The following GLO1 variants were observed in gnomAD, a reference collection of about 807,000 sequenced individuals.
GLO1 encodes the protein glyoxalase I.
Under a neutral mutation model 26.0 loss-of-function variants are expected in GLO1, and 28 were observed. The observed-to-expected ratio is 1.08, with a 90% confidence interval of 0.80 to 1.48. The LOEUF (loss-of-function observed/expected upper bound fraction) is 1.48. Ranked by LOEUF, GLO1 falls within the 40% of genes most tolerant of loss-of-function variation. The pLI, the probability that GLO1 is intolerant of heterozygous loss-of-function variation, is 0.00. For missense variants in GLO1, 225 were observed against 224.8 expected (o/e 1.00, Z -0.01); for synonymous variants, 78 against 77.6 (o/e 1.00, Z -0.03).
intron 1 of GLO1, among the ~76,000 whole-genome samples, chr6:38,695,196 C>G (rs1761591026): frequency 6.6e-6 from 1 of 151,994 alleles, no homozygotes; most frequent in African/African-American, 2.4e-5. Flanking sequence ...CTCTGGGTCA[C>G]TGGAACTTTT....
chr6:38,695,385 G>A (rs1582781280), intron 1 of GLO1, among the ~76,000 whole-genome samples: 1 of 151,962 alleles, frequency 6.6e-6, no homozygotes, highest in Non-Finnish European at 1.5e-5. Context: ...CCATGTATAT[G>A]TATACACACA....
chr6:38,692,873 T>A (rs191638851), intron 1 of GLO1, among the ~76,000 whole-genome samples: 34 of 150,700 alleles, frequency 2.3e-4, no homozygotes, highest in Admixed American at 8.0e-4. Context: ...ATCCTAGATA[T>A]AAACCTCACT....
chr6:38,680,146 C>T (rs1465080231), intron 5 of GLO1, among the ~76,000 whole-genome samples: 2 of 152,198 alleles, frequency 1.3e-5, no homozygotes, highest in Non-Finnish European at 2.9e-5. Context: ...GGAAATTAAA[C>T]CTAGGCTTTT....
At chr6:38,684,568 A>G in intron 2 of GLO1, 54 bp from the exon 3 acceptor site, 1 of 1,193,884 alleles carries the variant, frequency 8.4e-7, no homozygotes, top group Non-Finnish European at 1.1e-6. Context: ...AGGCTAATTC[A>G]TACTATAATC....
chr6:38,677,387 T>A lies in GLO1; in HGVS notation c.467-4A>T, dbSNP rs1427990851. On this transcript the variant is annotated splice_region_variant and splice_polypyrimidine_tract_variant and intron_variant, in intron 5 of 5. Transcript: ENST00000373365. ...AATGCCAGGCCTTTCATTTTACCTG[T>A]AAAATGAAAATTTTCATTATTGAAA... The A allele has an allele frequency of 3.0e-6, 4 of 1,345,668 alleles. No individual in the cohort carries two copies. The highest frequency in any genetic ancestry group is 3.2e-6 in the Non-Finnish European group (3 of 942,746). 83.4% of individuals were successfully genotyped at this position (1,345,668 alleles called of 1,614,324 possible).
At chr6:38,700,066 T>C (rs561133165) in intron 1 of GLO1, among the ~76,000 whole-genome samples, 36 of 152,294 alleles carry the variant, frequency 2.4e-4, no homozygotes, top group South Asian at 1.2e-3. Flanking sequence ...AAGACTCAGG[T>C]GGGCATCACA....
Position 38,677,018 on chromosome 6 carries a change from A to C in GLO1, c.*277T>G, listed in dbSNP as rs1255134269. 1 of 300,004 alleles carries C rather than the reference A, an allele frequency of 3.3e-6. No individual in the cohort carries two copies. The highest frequency in any genetic ancestry group is 6.1e-6 in the Non-Finnish European group (1 of 165,152). The allele number at this position is 300,004 out of a possible 1,614,324, so 18.6% of individuals were successfully genotyped here. On this transcript the variant is annotated 3_prime_UTR_variant, in exon 6 of 6. Transcript: ENST00000373365. ...GAAGTAATATTTAGGTGGCAGAAGA[A>C]GGCAAATGCAGCCTCTGAAGGGAAC...
At chr6:38,693,685 C>CTCTCTCTCTATATATATATATA (rs869232489) in intron 1 of GLO1, among the ~76,000 whole-genome samples, 13 of 86,420 alleles carry the variant, frequency 1.5e-4, no homozygotes, top group Admixed American at 3.4e-4. Context: ...CTCTCTCTCT[C>CTCTCTCTCTATATATATATATA]TATATATATA....
rs1761467667 is a variant in GLO1 at position 38,686,911 on chromosome 6, T to C, written c.148A>G (p.Thr50Ala). The C allele has an allele frequency of 1.3e-6, 2 of 1,584,868 alleles. No homozygotes were observed. The highest frequency in any genetic ancestry group is 2.2e-5 in the East Asian group (1 of 44,716). Reference sequence around the variant, plus strand: ...ACTTACGTCATTCCAAGAACTCTAGTATAAAAATCCAGTGACTTCTTAGGA... The same window carrying C: ...ACTTACGTCATTCCAAGAACTCTAGCATAAAAATCCAGTGACTTCTTAGGA... ...KDPKKSLDFY[T>A]RVLGMTLIQK... The change falls in exon 2 of 6, where the codon ACT becomes GCT. Residue 50 changes from threonine (T) to alanine (A), a missense_variant. By Grantham distance (58) the Thr-to-Ala change is moderately conservative. Transcript: ENST00000373365.
Position 38,684,418 on chromosome 6 carries a change from T to A in GLO1, c.264A>T (p.Lys88Asn), listed in dbSNP as rs758350957. Residue 88 changes from lysine to asparagine, a missense_variant, in exon 3 of 6, where the codon AAA (lysine) becomes AAT (asparagine). Lys to Asn is a moderately conservative substitution (Grantham distance 94, BLOSUM62 0). Transcript: ENST00000373365. ...CTTTTCTGGAGAGCGCCCAGGCTAT[T>A]TTTTCATCTTTTTCTTTAGGGATGT... ...KNDIPKEKDE[K>N]IAWALSRKAT... is the part of the protein sequence containing the mutation. The A allele has an allele frequency of 2.5e-6, 4 of 1,574,386 alleles. No homozygotes were observed. Among genetic ancestry groups the A allele is most frequent in the Admixed American group, 3.6e-5 (2 of 56,064 alleles).
At chr6:38,684,286 A>T (rs544547762) in intron 3 of GLO1, 88 bp downstream of exon 3, 10 of 534,888 alleles carry the variant, frequency 1.9e-5, no homozygotes, top group Non-Finnish European at 2.8e-5. Context: ...GGTTTGAATT[A>T]TACTGGTCAG....
intron 1 of GLO1, among the ~76,000 whole-genome samples, chr6:38,690,080 A>C (rs777999814): frequency 3.3e-5 from 5 of 152,070 alleles, no homozygotes; most frequent in Non-Finnish European, 7.4e-5. Context: ...GCCTTGGCCT[A>C]AGAATTCATA....
intron 2 of GLO1, among the ~76,000 whole-genome samples, chr6:38,685,209 A>G (rs533245154): frequency 2.1e-4 from 32 of 152,314 alleles, no homozygotes; most frequent in African/African-American, 7.2e-4. Context: ...AGTAGCAAGC[A>G]TGGCAGTGAC....
chr6:38,693,709 GT>G (rs1178697887), intron 1 of GLO1, among the ~76,000 whole-genome samples: 1 of 113,948 alleles, frequency 8.8e-6, no homozygotes, highest in Non-Finnish European at 1.8e-5. Flanking sequence ...ATATATATTT[GT>G]TTTGTTTTGT....
chr6:38,679,952 A>G (rs1761346971), intron 5 of GLO1, among the ~76,000 whole-genome samples: 1 of 152,250 alleles, frequency 6.6e-6, no homozygotes, highest in African/African-American at 2.4e-5. Flanking sequence ...TACATTTGGG[A>G]GAAAATTAGC....
chr6:38,685,342 A>C (rs568923479), intron 2 of GLO1, among the ~76,000 whole-genome samples: 1 of 152,308 alleles, frequency 6.6e-6, no homozygotes, highest in African/African-American at 2.4e-5. Context: ...ATGAATTATG[A>C]ATCCTGAGGT....
chr6:38,686,736 G>A (rs539105418), intron 2 of GLO1, among the ~76,000 whole-genome samples, 156 bp downstream of exon 2: 4 of 152,324 alleles, frequency 2.6e-5, no homozygotes, highest in South Asian at 2.1e-4. Flanking sequence ...AAGAACTTAC[G>A]AGAGAAGCCC....
intron 3 of GLO1, 21 bp from the exon 4 acceptor site, chr6:38,682,896 T>C: frequency 7.2e-7 from 1 of 1,389,250 alleles, no homozygotes; most frequent in Non-Finnish European, 1.0e-6. Flanking sequence ...AAGGAAAACA[T>C]AGCTACAATG....
chr6:38,690,552 TAC>T (rs201996713), intron 1 of GLO1, among the ~76,000 whole-genome samples: 15 of 145,038 alleles, frequency 1.0e-4, no homozygotes, highest in African/African-American at 1.7e-4. Flanking sequence ...TATATATATA[TAC>T]ACACACACAT....
Sources: allele counts gnomAD v4.1 joint callset (sites outside exome capture counted in the v4.1 genomes callset), GRCh38; gene constraint gnomAD v4.1.1; transcripts MANE v1.5; gene names NCBI Gene and HGNC (gene_info 2026-07-23, HGNC 2026-07-21).